The following HSPA13 variants were observed in gnomAD, a reference collection of about 807,000 sequenced individuals.
HSPA13 encodes heat shock 70 kDa protein 13.
A neutral mutation model predicts 38.8 loss-of-function variants in HSPA13; 29 were observed. The ratio of observed to expected loss-of-function variants is 0.75; its 90% CI spans 0.56 to 1.02. The LOEUF is 1.02. Among genes scored for constraint, HSPA13 ranks in the 50% least tolerant of loss-of-function variants. The pLI is 0.00. For synonymous variants in HSPA13, 192 were observed against 205.3 expected (o/e 0.94, Z 0.56); for missense variants, 451 against 560.9 (o/e 0.80, Z 1.98).
intron 3 of HSPA13, among the ~76,000 whole-genome samples, chr21:14,377,801 G>A (rs1984065523): frequency 2.0e-5 from 3 of 152,186 alleles, no homozygotes; most frequent in African/African-American, 7.2e-5. Flanking sequence ...CTTGAACATC[G>A]GACTCTAAGT....
intron 2 of HSPA13, 36 bp from the exon 3 acceptor site, chr21:14,378,448 A>C (rs1349380788): frequency 7.4e-7 from 1 of 1,358,632 alleles, no homozygotes; most frequent in Admixed American, 1.7e-5. Context: ...AAATAAATAA[A>C]AGAGTAAAAG....
intron 2 of HSPA13, among the ~76,000 whole-genome samples, chr21:14,378,685 T>C (rs568927204): frequency 6.6e-6 from 1 of 152,004 alleles, no homozygotes; most frequent in East Asian, 1.9e-4. Flanking sequence ...GGTGGCATGA[T>C]CTCGGCTCAC....
At chr21:14,380,517 C>T (rs79685335) in intron 2 of HSPA13, among the ~76,000 whole-genome samples, 10,007 of 151,928 alleles carry the variant, frequency 0.066, 460 homozygotes, top group African/African-American at 0.14. Flanking sequence ...AAAAAAATAA[C>T]TAGCGAAGAT....
chr21:14,380,010 CA>C (rs556367544), intron 2 of HSPA13, among the ~76,000 whole-genome samples: 40 of 127,014 alleles, frequency 3.1e-4, no homozygotes, highest in Admixed American at 6.5e-4. Context: ...GAGACTGTCT[CA>C]AAAAAAAAAA....
chr21:14,379,807 A>C (rs1480625596), intron 2 of HSPA13, among the ~76,000 whole-genome samples: 1 of 152,094 alleles, frequency 6.6e-6, no homozygotes, highest in East Asian at 1.9e-4. Context: ...ACAACTGTCT[A>C]TTTTGAAACT....
At position 14,375,491 on chromosome 21, in the gene HSPA13, A is replaced by AT. The variant is rs34202425; in HGVS notation, c.748+160dup. ...TCAACTCTCCCTGCATTTTTCTGTAATTTTTTTTTTTTTTTTTTTTTTAGT... is the reference window on the plus strand; with the variant it reads ...TCAACTCTCCCTGCATTTTTCTGTAATTTTTTTTTTTTTTTTTTTTTTTAGT... On this transcript the variant is annotated intron_variant, in intron 4 of 4. Transcript: ENST00000285667. Among the ~76,000 whole-genome samples the AT allele has an allele frequency of 6.3e-3, 812 of 128,564 alleles. 9 individuals carry two copies. Among genetic ancestry groups the AT allele is most frequent in the African/African-American group, 0.015 (522 of 34,396 alleles). 84.3% of individuals were successfully genotyped at this position (128,564 alleles called of 152,430 possible). A position where few individuals can be genotyped will look rare whatever the true frequency, so the allele number is the denominator to read the frequency against.
At chr21:14,382,924 C>T (rs1476239150) in intron 1 of HSPA13, among the ~76,000 whole-genome samples, 171 bp downstream of exon 1, 1 of 152,088 alleles carries the variant, frequency 6.6e-6, no homozygotes, top group African/African-American at 2.4e-5. Context: ...CTAGAGGCGT[C>T]CCCGCCCCCA....
chr21:14,374,341 G>A lies in HSPA13; in HGVS notation c.749-57C>T, dbSNP rs554689175. The stretch of plus-strand genomic sequence containing the variant: ...TGCATATATGTGTGTATGTATACAC[G>A]TATGTTATTATGTATACGTAAAAAT... On this transcript the variant is annotated intron_variant, in intron 4 of 4. Transcript: ENST00000285667. 52 of 1,201,284 alleles carry A rather than the reference G, an allele frequency of 4.3e-5. No individual in the cohort carries two copies. The African/African-American group carries it at 4.9e-4, about 11-fold the overall frequency. The allele number at this position is 1,201,284 out of a possible 1,614,324, so 74.4% of individuals were successfully genotyped here.
At chr21:14,374,508 T>C (rs184429546) in intron 4 of HSPA13, among the ~76,000 whole-genome samples, 10 of 152,216 alleles carry the variant, frequency 6.6e-5, no homozygotes, top group Admixed American at 4.6e-4. Context: ...GGTGGGAGGG[T>C]TGCTTGAGGC....
Position 14,373,529 on chromosome 21 carries a change from TAG to T in HSPA13, c.*86_*87del. The T allele has an allele frequency of 8.6e-7, 1 of 1,167,162 alleles. No individual in the cohort carries two copies. The highest frequency in any genetic ancestry group is 1.2e-6 in the Non-Finnish European group (1 of 839,446). 72.3% of individuals were successfully genotyped at this position (1,167,162 alleles called of 1,614,324 possible). On this transcript the variant is annotated 3_prime_UTR_variant, in exon 5 of 5. Coordinates refer to ENST00000285667, the MANE Select transcript of HSPA13 (RefSeq NM_006948.5). ...CCCTCTAGGTAAATCTGTGATATTT[TAG>T]AGACTTTCTTTTGTGGAAAAGGTAA...
At chr21:14,382,905 G>C (rs1360052115) in intron 1 of HSPA13, among the ~76,000 whole-genome samples, 190 bp downstream of exon 1, 3 of 152,058 alleles carry the variant, frequency 2.0e-5, no homozygotes, top group African/African-American at 7.2e-5. Flanking sequence ...TGCAGGGGCC[G>C]GGGCCCTCCT....
rs1456161541 is a variant in HSPA13, at chr21:14,371,743, T to G, written c.*1874A>C. 2.0e-5 allele frequency: 3 copies of G among 152,118 alleles called. No homozygotes were observed. Among genetic ancestry groups the G allele is most frequent in the Admixed American group, 6.5e-5 (1 of 15,268 alleles). 9.4% of individuals were successfully genotyped at this position (152,118 alleles called of 1,614,324 possible). On this transcript the variant is annotated 3_prime_UTR_variant, in exon 5 of 5. Transcript: ENST00000285667. ...AGACTGTCTTGAACATCTCAAACAT[T>G]TGAGAAATTCAAGGTTTTCTTTATG...
At chr21:14,380,106 T>A (rs1984129353) in intron 2 of HSPA13, among the ~76,000 whole-genome samples, 1 of 151,314 alleles carries the variant, frequency 6.6e-6, no homozygotes, top group Admixed American at 6.6e-5. Context: ...AAAAAAGCTT[T>A]AAATGTTTAA....
chr21:14,379,629 T>C (rs1984115547), intron 2 of HSPA13, among the ~76,000 whole-genome samples: 1 of 152,204 alleles, frequency 6.6e-6, no homozygotes, highest in Non-Finnish European at 1.5e-5. Context: ...TAGCTTTAGA[T>C]GATTTTTTCA....
In HSPA13 at chr21:14,373,802, T is replaced by C; in HGVS notation, c.1231A>G (p.Ile411Val). The C allele has an allele frequency of 6.2e-7, 1 of 1,614,210 alleles. No homozygotes were observed. The highest frequency in any genetic ancestry group is 8.5e-7 in the Non-Finnish European group (1 of 1,180,040). The change falls in exon 5 of 5, where the codon ATT becomes GTT. Residue 411 changes from isoleucine to valine, a missense_variant. Ile to Val is a conservative substitution (Grantham distance 29). Transcript: ENST00000285667. ...EVVLVGGSTR[I>V]PRIRQVIQEF... ...TGAATGACTTGACGGATCCGAGGAA[T>C]ACGAGTGGAGCCCCCAACTAAAACC...
rs1982833658 is a variant in HSPA13, at chr21:14,371,844, C to G, written c.*1773G>C. 1 of 152,334 alleles carries G rather than the reference C, an allele frequency of 6.6e-6. No homozygotes were observed. Among genetic ancestry groups the G allele is most frequent in the Admixed American group, 6.5e-5 (1 of 15,274 alleles). 9.4% of individuals were successfully genotyped at this position (152,334 alleles called of 1,614,324 possible). A position where few individuals can be genotyped will look rare whatever the true frequency, so the allele number is the denominator to read the frequency against. ...TAGAAGACCTTCACAAAGAATTTTT[C>G]AATTCTAAAATCTATTACAGATTTA... On this transcript the variant is annotated 3_prime_UTR_variant, in exon 5 of 5. Transcript: ENST00000285667.
rs1201492274 is a variant in HSPA13 at position 14,374,071 on chromosome 21, G to A, written c.962C>T (p.Pro321Leu). ...TGGCAGTTCAGTGTCACTACTGTGA[G>A]GTTCCTTCCTGTCCTGCTCCTCCAC... ...LTVEEQDRKE[P>L]HSSDTELPKD... Residue 321 changes from proline to leucine, a missense_variant, in exon 5 of 5, where the codon CCT becomes CTT. Coordinates refer to ENST00000285667, the MANE Select transcript of HSPA13 (RefSeq NM_006948.5). 2 of 1,614,040 alleles carry A rather than the reference G, an allele frequency of 1.2e-6. No individual in the cohort carries two copies. The highest frequency in any genetic ancestry group is 1.3e-5 in the African/African-American group (1 of 74,916).
chr21:14,383,053 C>T (rs764563135), intron 1 of HSPA13, 42 bp downstream of exon 1: 1 of 1,613,128 alleles, frequency 6.2e-7, no homozygotes, highest in South Asian at 1.1e-5. Context: ...CCTCAGATCG[C>T]CTCTACGCCC....
intron 1 of HSPA13, among the ~76,000 whole-genome samples, chr21:14,381,782 ATGTT>A (rs1405124819): frequency 6.6e-6 from 1 of 152,226 alleles, no homozygotes; most frequent in Non-Finnish European, 1.5e-5. Flanking sequence ...CTATAACTGT[ATGTT>A]TGTGTCATTC....
Sources: gnomAD v4.1 joint callset for allele counts (sites outside exome capture counted in the v4.1 genomes callset) on GRCh38, gnomAD v4.1.1 for gene constraint, MANE v1.5 for transcripts, NCBI Gene and HGNC (gene_info 2026-07-23, HGNC 2026-07-21) for gene names.